KAZN: variants seen among roughly 807,000 people sequenced by gnomAD.
KAZN encodes kazrin.
KAZN carries 40 observed loss-of-function variants against 87.4 expected under a neutral mutation model. The observed-to-expected ratio is 0.46, with a 90% CI of 0.36 to 0.60. The LOEUF is 0.60. KAZN is among the 20% of genes least tolerant of loss of function. The probability of loss-of-function intolerance (pLI) is 0.00; values close to 1 mark genes in which losing one functional copy is unlikely to be tolerated. For synonymous variants in KAZN, 466 were observed against 458.3 expected (o/e 1.02, Z -0.22); for missense variants, 898 against 1,073.9 (o/e 0.84, Z 2.29).
At chr1:13,988,904 G>A (rs1639149395) in intron 1 of KAZN, among the ~76,000 whole-genome samples, 1 of 152,108 alleles carries the variant, frequency 6.6e-6, no homozygotes, top group South Asian at 2.1e-4. Flanking sequence ...CTGATCTGAG[G>A]ATCCCTTGGC....
At chr1:14,080,934 C>T (rs1183122518) in intron 1 of KAZN, among the ~76,000 whole-genome samples, 1 of 152,154 alleles carries the variant, frequency 6.6e-6, no homozygotes, top group Admixed American at 6.5e-5. Context: ...GCTGTTAAGG[C>T]CATACTTGTC....
chr1:14,786,788 T>C (rs1213193059), intron 1 of KAZN, among the ~76,000 whole-genome samples: 1 of 152,186 alleles, frequency 6.6e-6, no homozygotes, highest in Non-Finnish European at 1.5e-5. Flanking sequence ...CTGCAAGACA[T>C]TTAATAGAAG....
intron 13 of KAZN, among the ~76,000 whole-genome samples, chr1:15,110,114 TGTG>T (rs138524919): frequency 0.19 from 26,447 of 138,374 alleles, 2,839 homozygotes; most frequent in East Asian, 0.52. Context: ...CGTATTTGTG[TGTG>T]TATTTGTGTA....
chr1:14,189,929 G>A (rs1447551091), intron 2 of KAZN, among the ~76,000 whole-genome samples: 2 of 152,098 alleles, frequency 1.3e-5, no homozygotes, highest in African/African-American at 4.8e-5. Context: ...CTTCTGTTTT[G>A]GAAAGACTGC....
In KAZN at chr1:14,883,355, A is replaced by AAAGAAAAGAAGG. The variant is rs1449958306; in HGVS notation, c.227-77327_227-77326insGAAAAGAAGGAA. ...GAGAGAGAGAGAGAAAGAAAGAAAG[A>AAAGAAAAGAAGG]AAAGAAAGAAAGAAAGAAAGAAAGA... is the stretch of plus-strand genomic sequence containing the variant. On this transcript the variant is annotated intron_variant, in intron 1 of 14. Coordinates refer to ENST00000376030, the MANE Select transcript of KAZN (RefSeq NM_201628.3). Among the ~76,000 whole-genome samples, 4 of 20,600 alleles carry AAAGAAAAGAAGG rather than the reference A, an allele frequency of 1.9e-4. 2 individuals are homozygous for AAAGAAAAGAAGG. Among genetic ancestry groups the AAAGAAAAGAAGG allele is most frequent in the African/African-American group, 6.1e-4 (4 of 6,522 alleles). The allele number at this position is 20,600 out of a possible 152,430, so 13.5% of individuals were successfully genotyped here. A position where few individuals can be genotyped will look rare whatever the true frequency, so the allele number is the denominator to read the frequency against.
chr1:14,163,534 T>C (rs1459678547), intron 1 of KAZN, among the ~76,000 whole-genome samples: 1 of 152,216 alleles, frequency 6.6e-6, no homozygotes, highest in East Asian at 1.9e-4. Flanking sequence ...ACCATTTTGC[T>C]TCTTAGTGCG....
intron 1 of KAZN, among the ~76,000 whole-genome samples, chr1:14,730,653 C>G (rs1332632436): frequency 6.6e-6 from 1 of 152,174 alleles, no homozygotes; most frequent in Non-Finnish European, 1.5e-5. Flanking sequence ...CACGCTACCT[C>G]TCATTATCAG....
At chr1:13,926,574 A>C (rs1389065528) in intron 1 of KAZN, among the ~76,000 whole-genome samples, 2 of 152,034 alleles carry the variant, frequency 1.3e-5, no homozygotes, top group Non-Finnish European at 2.9e-5. Flanking sequence ...ATTACAGTGA[A>C]GCTTACAGGT....
intron 1 of KAZN, among the ~76,000 whole-genome samples, chr1:14,691,508 A>G (rs113203188): frequency 0.011 from 1,674 of 152,138 alleles, 18 homozygotes; most frequent in Middle Eastern, 0.044. Flanking sequence ...TGTTTTTGAG[A>G]CAGAGTCTCA....
At chr1:14,867,724 A>ACCCCCCCCCCC (rs1553148134) in intron 1 of KAZN, among the ~76,000 whole-genome samples, 14 of 107,460 alleles carry the variant, frequency 1.3e-4, no homozygotes, top group African/African-American at 1.9e-4. Context: ...CTTTGAAGAC[A>ACCCCCCCCCCC]CCCCCCCCCC....
chr1:14,987,071 G>C (rs1174451801), intron 2 of KAZN, among the ~76,000 whole-genome samples: 1 of 152,148 alleles, frequency 6.6e-6, no homozygotes, highest in East Asian at 1.9e-4. Context: ...CCCAGGCAGC[G>C]TAGAGGAGAA....
At chr1:14,652,088 C>T (rs994003517) in intron 1 of KAZN, among the ~76,000 whole-genome samples, 8 of 152,160 alleles carry the variant, frequency 5.3e-5, no homozygotes, top group Non-Finnish European at 8.8e-5. Context: ...ATGTGAGGGC[C>T]ACCTTCAGGA....
chr1:14,542,092 G>T (rs1271023631), intron 2 of KAZN, among the ~76,000 whole-genome samples: 1 of 152,156 alleles, frequency 6.6e-6, no homozygotes, highest in African/African-American at 2.4e-5. Flanking sequence ...TGTCTCAGGG[G>T]TATCCTCTCA....
chr1:14,615,198 C>A (rs1325407215), intron 1 of KAZN, among the ~76,000 whole-genome samples: 3 of 152,166 alleles, frequency 2.0e-5, no homozygotes, highest in African/African-American at 7.2e-5. Context: ...TGATGAGCGC[C>A]CAGGATACCC....
chr1:14,216,413 G>C (rs1483048121), intron 2 of KAZN, among the ~76,000 whole-genome samples: 1 of 152,138 alleles, frequency 6.6e-6, no homozygotes, highest in African/African-American at 2.4e-5. Context: ...ACTGTTGAGA[G>C]CAGGACCCAA....
intron 2 of KAZN, among the ~76,000 whole-genome samples, chr1:14,516,069 G>C (rs11809809): frequency 6.6e-6 from 1 of 151,998 alleles, no homozygotes; most frequent in Admixed American, 6.5e-5. Context: ...GGCCAACCAG[G>C]TTCTAGAAAC....
chr1:14,903,233 G>GA (rs1363198200), intron 1 of KAZN, among the ~76,000 whole-genome samples: 1 of 152,084 alleles, frequency 6.6e-6, no homozygotes. Flanking sequence ...GGGAAGGCAA[G>GA]AAAAAAATTG....
chr1:14,345,445 CAGAT>C (rs1486526679), intron 2 of KAZN, among the ~76,000 whole-genome samples: 1 of 152,076 alleles, frequency 6.6e-6, no homozygotes, highest in African/African-American at 2.4e-5. Flanking sequence ...AAAAAAGAAA[CAGAT>C]GGAATTAATT....
At chr1:14,526,140 C>G (rs80337150) in intron 2 of KAZN, among the ~76,000 whole-genome samples, 4,816 of 152,270 alleles carry the variant, frequency 0.032, 185 homozygotes, top group East Asian at 0.15. Context: ...CCACATTTTT[C>G]CCTTCCCTGG....
Sources: gnomAD v4.1 joint callset for allele counts (sites outside exome capture counted in the v4.1 genomes callset) on GRCh38, gnomAD v4.1.1 for gene constraint, MANE v1.5 for transcripts, NCBI Gene and HGNC (gene_info 2026-07-23, HGNC 2026-07-21) for gene names.